Variants in GTF3C3 observed in about 807,000 individuals in gnomAD.
GTF3C3 encodes general transcription factor IIIC subunit 3.
GTF3C3 carries 75 observed loss-of-function variants against 105.2 expected under a neutral mutation model. The ratio of observed to expected loss-of-function variants is 0.71; its 90% CI spans 0.59 to 0.86. GTF3C3 has a LOEUF of 0.86. Among genes scored for constraint, GTF3C3 ranks in the 40% least tolerant of loss-of-function variants. The pLI is 0.00. For missense variants in GTF3C3, 856 were observed against 1,076.5 expected, an observed-to-expected ratio of 0.80 and a Z score of 2.87; for synonymous variants, 335 against 370.4, an observed-to-expected ratio of 0.90 and a Z score of 1.10.
At chr2:196,768,130 G>A (rs1362772693) in intron 16 of GTF3C3, among the ~76,000 whole-genome samples, 2 of 152,140 alleles carry the variant, frequency 1.3e-5, no homozygotes, top group Non-Finnish European at 2.9e-5. Flanking sequence ...CGACTCTCCT[G>A]CCTCAGCCTC....
intron 3 of GTF3C3, among the ~76,000 whole-genome samples, chr2:196,792,217 G>A (rs979153559): frequency 7.9e-5 from 12 of 152,164 alleles, no homozygotes; most frequent in African/African-American, 2.7e-4. Flanking sequence ...CAGTGCAGTG[G>A]AGTGATCTCA....
chr2:196,787,161 A>G (rs957995771), intron 6 of GTF3C3, among the ~76,000 whole-genome samples: 1 of 151,976 alleles, frequency 6.6e-6, no homozygotes, highest in Non-Finnish European at 1.5e-5. Flanking sequence ...AAATACATAC[A>G]TAATCTGATT....
At chr2:196,781,356 A>T (rs867907212) in intron 8 of GTF3C3, among the ~76,000 whole-genome samples, 12 of 54,488 alleles carry the variant, frequency 2.2e-4, no homozygotes, top group Non-Finnish European at 4.0e-4. Context: ...AAAAAAAAAA[A>T]AATATATATA....
chr2:196,776,693 T>C lies in GTF3C3; in HGVS notation c.1391-64A>G. 9.0e-7 allele frequency: 1 copy of C among 1,108,532 alleles called. No individual in the cohort carries two copies. Among genetic ancestry groups the C allele is most frequent in the Non-Finnish European group, 1.3e-6 (1 of 747,532 alleles). 68.7% of individuals were successfully genotyped at this position (1,108,532 alleles called of 1,614,324 possible). ...AGATTTGTAAACTGGCCACAATTAC[T>C]CTTCCATTTTAAAAGAAATATAGCA... On this transcript the variant is annotated intron_variant, in intron 10 of 17. Transcript: ENST00000263956. The surrounding 1 kb of genome is among the most constrained non-coding windows in gnomAD (Gnocchi z 4.5).
chr2:196,791,525 A>G (rs1334447760), intron 3 of GTF3C3, 65 bp from the exon 4 acceptor site: 8 of 1,367,932 alleles, frequency 5.8e-6, no homozygotes, highest in Non-Finnish European at 8.1e-6. Flanking sequence ...AATTCCAGCC[A>G]TATTAATAAA....
intron 12 of GTF3C3, 63 bp from the exon 13 acceptor site, chr2:196,775,314 C>G: frequency 2.7e-6 from 4 of 1,461,726 alleles, no homozygotes; most frequent in Non-Finnish European, 3.7e-6. Flanking sequence ...GAGACAAAGT[C>G]TTGTTATGTT....
intron 8 of GTF3C3, among the ~76,000 whole-genome samples, chr2:196,781,357 A>AAAAAATAT: frequency 2.1e-4 from 4 of 18,816 alleles, no homozygotes; most frequent in African/African-American, 4.1e-4. Flanking sequence ...AAAAAAAAAA[A>AAAAAATAT]ATATATATAT....
At chr2:196,777,508 A>C (rs1396097070) in intron 10 of GTF3C3, 3 of 152,174 alleles carry the variant, frequency 2.0e-5, no homozygotes, top group Non-Finnish European at 2.9e-5. Context: ...TTTTCGCTGC[A>C]CTGTATCTCC....
At position 196,789,199 on chromosome 2, in the gene GTF3C3, C is replaced by G. The variant is rs751287474; in HGVS notation, c.893+5G>C. ...GCAAGTAGATCTGTTTCACTCCAAACTTACTTTGCCATATCTCTAGCCAGC... is the reference window on the plus strand; with the variant it reads ...GCAAGTAGATCTGTTTCACTCCAAAGTTACTTTGCCATATCTCTAGCCAGC... On this transcript the variant is annotated splice_donor_5th_base_variant and intron_variant, in intron 6 of 17. Transcript: ENST00000263956. The G allele has an allele frequency of 6.3e-7, 1 of 1,592,952 alleles. No homozygotes were observed. The highest frequency in any genetic ancestry group is 2.2e-5 in the East Asian group (1 of 44,650).
intron 14 of GTF3C3, 77 bp from the exon 15 acceptor site, chr2:196,772,015 G>C (rs979050910): frequency 1.1e-6 from 1 of 940,788 alleles, no homozygotes; most frequent in African/African-American, 1.6e-5. Flanking sequence ...ACCCTTCAGT[G>C]CTGTCCTACC....
intron 17 of GTF3C3, among the ~76,000 whole-genome samples, chr2:196,765,443 T>C (rs970250717): frequency 6.6e-6 from 1 of 151,942 alleles, no homozygotes; most frequent in African/African-American, 2.4e-5. Flanking sequence ...ATTTGAAAAC[T>C]GCCTCCAGTA....
chr2:196,792,392 C>A lies in GTF3C3; in HGVS notation c.411+564G>T, dbSNP rs941728899. Among the ~76,000 whole-genome samples, 7 of 152,246 alleles carry A rather than the reference C, an allele frequency of 4.6e-5. No individual in the cohort carries two copies. In the East Asian group the frequency reaches 1.2e-3, roughly 25 times the overall value. On this transcript the variant is annotated intron_variant, in intron 3 of 17. Coordinates refer to ENST00000263956, the MANE Select transcript of GTF3C3 (RefSeq NM_012086.5). Reference sequence around the variant, plus strand: ...CTCAGGCTGGTCTCCAACTCCTGAGCACAAGCAATCCTCCTGCCTCAGCCT... The same window carrying A: ...CTCAGGCTGGTCTCCAACTCCTGAGAACAAGCAATCCTCCTGCCTCAGCCT...
chr2:196,772,087 A>C, intron 14 of GTF3C3, 149 bp from the exon 15 acceptor site: 1 of 598,536 alleles, frequency 1.7e-6, no homozygotes. Context: ...ATTTAAAGCA[A>C]AACTCTCCTA....
At chr2:196,797,058 C>A (rs532878566) in intron 2 of GTF3C3, among the ~76,000 whole-genome samples, 1 of 152,314 alleles carries the variant, frequency 6.6e-6, no homozygotes, top group Admixed American at 6.5e-5. Flanking sequence ...GACTGTACTT[C>A]TAACCCCTAG....
At chr2:196,790,113 A>G (rs972080039) in intron 4 of GTF3C3, 43 bp from the exon 5 acceptor site, 2 of 1,342,144 alleles carry the variant, frequency 1.5e-6, no homozygotes, top group Admixed American at 4.6e-5. Context: ...CTGAGAGAAG[A>G]GGCTTGAGTT....
rs1400919357 is a variant in GTF3C3, at chr2:196,776,387, A to G, written c.1593+40T>C. 6.6e-7 allele frequency: 1 copy of G among 1,513,682 alleles called. No individual in the cohort carries two copies. Among genetic ancestry groups the G allele is most frequent in the East Asian group, 2.3e-5 (1 of 44,306 alleles). 93.8% of individuals were successfully genotyped at this position (1,513,682 alleles called of 1,614,324 possible). ...ATGGAGGAGAAAGTTCTAAAATATA[A>G]TATACCAAGAAAAACTTCCCTCTAT... On this transcript the variant is annotated intron_variant, in intron 11 of 17. Transcript: ENST00000263956. This position sits in a 1 kb window ranked among gnomAD's most constrained non-coding sequence, Gnocchi z 4.5.
chr2:196,794,978 C>T (rs954279854), intron 2 of GTF3C3, among the ~76,000 whole-genome samples: 2 of 152,194 alleles, frequency 1.3e-5, no homozygotes, highest in African/African-American at 4.8e-5. Context: ...ATCCACCCAC[C>T]TTGGCCTCCC....
At chr2:196,766,010 CAAAAAAAAAAAA>C (rs11424716) in intron 17 of GTF3C3, among the ~76,000 whole-genome samples, 4 of 87,172 alleles carry the variant, frequency 4.6e-5, no homozygotes, top group African/African-American at 1.8e-4. Flanking sequence ...ACTCTGTCTC[CAAAAAAAAAAAA>C]AAAAAAAAAA....
intron 8 of GTF3C3, among the ~76,000 whole-genome samples, chr2:196,783,476 T>A (rs541193712): frequency 9.2e-5 from 14 of 152,314 alleles, no homozygotes; most frequent in African/African-American, 3.4e-4. Flanking sequence ...GGCTCGTGCC[T>A]AAGCCAGGTC....
Sources: gnomAD v4.1 joint callset for allele counts (sites outside exome capture counted in the v4.1 genomes callset) on GRCh38, gnomAD v4.1.1 for gene constraint, Gnocchi (gnomAD v3.1) non-coding constraint, MANE v1.5 for transcripts, NCBI Gene and HGNC (gene_info 2026-07-23, HGNC 2026-07-21) for gene names.